NDUFA8: variants seen among roughly 807,000 people sequenced by gnomAD.
The protein encoded by NDUFA8 is NADH dehydrogenase [ubiquinone] 1 alpha subcomplex subunit 8.
NDUFA8 carries 16 observed loss-of-function variants against 20.9 expected under a neutral mutation model. The observed-to-expected ratio is 0.77, with a 90% CI of 0.52 to 1.16. The LOEUF (loss-of-function observed/expected upper bound fraction) is 1.16, where lower values mean the gene tolerates loss of function less well. Ranked by LOEUF, NDUFA8 falls within the 50% of genes most tolerant of loss-of-function variation. The probability of loss-of-function intolerance (pLI) is 0.00; values close to 1 mark genes in which losing one functional copy is unlikely to be tolerated. For synonymous variants in NDUFA8, 70 were observed against 76.1 expected (o/e 0.92, Z 0.41); for missense variants, 202 against 216.4 (o/e 0.93, Z 0.42).
In NDUFA8 at chr9:122,159,609, T is replaced by A. The variant is rs781277343; in HGVS notation, c.51+18A>T. 1.9e-6 allele frequency: 3 copies of A among 1,614,060 alleles called. No individual in the cohort carries two copies. In the Admixed American group the frequency reaches 5.0e-5, roughly 27 times the overall value. On this transcript the variant is annotated intron_variant, in intron 1 of 3. Coordinates refer to ENST00000373768, the MANE Select transcript of NDUFA8 (RefSeq NM_014222.3). ...CGCAGCCCCATGTCTCCCTTGCCTG[T>A]CCTCCGGATAGCCTCACCTCATCTA...
chr9:122,152,450 C>G (rs1392490804), intron 1 of NDUFA8, 42 bp from the exon 2 acceptor site: 1 of 1,597,746 alleles, frequency 6.3e-7, no homozygotes, highest in South Asian at 1.1e-5. Context: ...GACTGTGAAC[C>G]AGAATACCAC....
intron 1 of NDUFA8, among the ~76,000 whole-genome samples, chr9:122,152,618 C>T (rs1030337606): frequency 2.0e-5 from 3 of 150,366 alleles, no homozygotes; most frequent in African/African-American, 7.4e-5. Context: ...TGCAGTGGCG[C>T]GATCTCGGCT....
chr9:122,158,854 A>G (rs914096008), intron 1 of NDUFA8, among the ~76,000 whole-genome samples: 3 of 151,594 alleles, frequency 2.0e-5, no homozygotes, highest in Non-Finnish European at 2.9e-5. Context: ...GGGAGGATTC[A>G]ATGAATTAAT....
intron 3 of NDUFA8, among the ~76,000 whole-genome samples, chr9:122,147,255 T>C (rs971513303): frequency 7.3e-6 from 1 of 137,508 alleles, no homozygotes; most frequent in Non-Finnish European, 1.7e-5. Context: ...AAAAAAAAAT[T>C]CCAGAAGATG....
chr9:122,132,708 C>T, the NDUFA8 span, among the ~76,000 whole-genome samples: 1 of 152,146 alleles, frequency 6.6e-6, no homozygotes, highest in East Asian at 1.9e-4. Flanking sequence ...ACATCCTGCT[C>T]GCATGGGCTG....
At chr9:122,147,598 T>C (rs1828922337) in intron 3 of NDUFA8, among the ~76,000 whole-genome samples, 1 of 151,184 alleles carries the variant, frequency 6.6e-6, no homozygotes, top group African/African-American at 2.4e-5. Context: ...AACCTGCACA[T>C]GCTAGAAGGC....
the NDUFA8 span, among the ~76,000 whole-genome samples, chr9:122,136,033 A>G: frequency 1.3e-5 from 2 of 152,270 alleles, no homozygotes; most frequent in African/African-American, 2.4e-5. Flanking sequence ...GCTGTACCTC[A>G]TAGAAATTTC....
At chr9:122,149,459 T>C (rs563499008) in intron 2 of NDUFA8, among the ~76,000 whole-genome samples, 1 of 152,338 alleles carries the variant, frequency 6.6e-6, no homozygotes, top group South Asian at 2.1e-4. Flanking sequence ...TGCAAGCCAC[T>C]ACTCTAGTAG....
chr9:122,142,998 G>C (rs1279451013), downstream of NDUFA8, among the ~76,000 whole-genome samples: 1 of 152,202 alleles, frequency 6.6e-6, no homozygotes, highest in Non-Finnish European at 1.5e-5. Flanking sequence ...TGCAGAACAC[G>C]TGGGGGTTCT....
the NDUFA8 span, among the ~76,000 whole-genome samples, chr9:122,136,283 T>C: frequency 1.3e-5 from 2 of 152,252 alleles, no homozygotes; most frequent in African/African-American, 2.4e-5. Flanking sequence ...ACACACATTA[T>C]ATTTTGATAG....
At chr9:122,142,924 T>C (rs768842465), downstream of NDUFA8, among the ~76,000 whole-genome samples, 10 of 151,696 alleles carry the variant, frequency 6.6e-5, no homozygotes, top group Non-Finnish European at 1.2e-4. Context: ...TTGAAAAAAA[T>C]GCAAAAAAAA....
At chr9:122,147,877 C>T (rs1215857398) in intron 3 of NDUFA8, among the ~76,000 whole-genome samples, 2 of 152,306 alleles carry the variant, frequency 1.3e-5, no homozygotes, top group East Asian at 1.9e-4. Context: ...TTGCCCACCT[C>T]GGCCTCCCAA....
intron 1 of NDUFA8, 149 bp downstream of exon 1, chr9:122,159,478 G>A: frequency 1.1e-6 from 1 of 904,340 alleles, no homozygotes; most frequent in Non-Finnish European, 1.8e-6. Context: ...AGCTGCGGAG[G>A]GGACCTCCGG....
At chr9:122,136,834 C>T in the NDUFA8 span, among the ~76,000 whole-genome samples, 1 of 152,170 alleles carries the variant, frequency 6.6e-6, no homozygotes, top group Non-Finnish European at 1.5e-5. Context: ...GGATTACAGG[C>T]GTGAGCCACC....
intron 3 of NDUFA8, 89 bp downstream of exon 3, chr9:122,148,023 T>G: frequency 4.1e-6 from 6 of 1,455,822 alleles, no homozygotes; most frequent in Non-Finnish European, 5.8e-6. Context: ...ACATCATATC[T>G]GTATTTACAG....
the NDUFA8 span, among the ~76,000 whole-genome samples, chr9:122,134,492 C>T: frequency 7.2e-5 from 11 of 152,254 alleles, no homozygotes; most frequent in African/African-American, 2.6e-4. Context: ...GTGCAGTGCT[C>T]GGCAAACAGC....
intron 1 of NDUFA8, among the ~76,000 whole-genome samples, chr9:122,153,817 T>C (rs1378981306): frequency 6.6e-6 from 1 of 152,248 alleles, no homozygotes; most frequent in Non-Finnish European, 1.5e-5. Context: ...TAAATTTAGT[T>C]ATATGTTAAA....
intron 2 of NDUFA8, among the ~76,000 whole-genome samples, chr9:122,149,330 G>A (rs899393567): frequency 9.9e-5 from 15 of 152,174 alleles, no homozygotes; most frequent in African/African-American, 2.2e-4. Flanking sequence ...TTTCCCTTCC[G>A]GGTATACTAA....
chr9:122,137,366 G>A, the NDUFA8 span, among the ~76,000 whole-genome samples: 1 of 146,878 alleles, frequency 6.8e-6, no homozygotes, highest in Non-Finnish European at 1.5e-5. Flanking sequence ...CTCAGCCTCT[G>A]GGGTAGCTGG....
Sources: allele counts gnomAD v4.1 joint callset (sites outside exome capture counted in the v4.1 genomes callset), GRCh38; gene constraint gnomAD v4.1.1; transcripts MANE v1.5; gene names NCBI Gene and HGNC (gene_info 2026-07-23, HGNC 2026-07-21).